RFTN2: variants seen among roughly 807,000 people sequenced by gnomAD.
RFTN2 encodes the protein raftlin-2.
A neutral mutation model predicts 52.7 loss-of-function variants in RFTN2; 34 were observed. The ratio of observed to expected loss-of-function variants is 0.64; its 90% confidence interval spans 0.49 to 0.86. The LOEUF is 0.86. RFTN2 is among the 40% of genes least tolerant of loss of function. The pLI is 0.00. For synonymous variants in RFTN2, 203 were observed against 217.7 expected (o/e 0.93, Z 0.59); for missense variants, 536 against 600.1 (o/e 0.89, Z 1.12).
intron 8 of RFTN2, among the ~76,000 whole-genome samples, chr2:197,589,455 G>A (rs754455668): frequency 6.6e-6 from 1 of 152,070 alleles, no homozygotes; most frequent in Non-Finnish European, 1.5e-5. Context: ...TAATACAGTG[G>A]ATATACCACT....
At chr2:197,610,096 T>C (rs2088031197) in intron 7 of RFTN2, among the ~76,000 whole-genome samples, 2 of 152,196 alleles carry the variant, frequency 1.3e-5, no homozygotes, top group South Asian at 2.1e-4. Context: ...CTTGGCAATG[T>C]GGGCTCTTTT....
chr2:197,625,914 C>G (rs1279397809), intron 5 of RFTN2, among the ~76,000 whole-genome samples: 1 of 151,920 alleles, frequency 6.6e-6, no homozygotes, highest in African/African-American at 2.4e-5. Context: ...GTCTCAGCTT[C>G]CTGAGTAGCT....
chr2:197,602,383 A>T (rs1474320672), intron 7 of RFTN2, among the ~76,000 whole-genome samples: 2 of 152,060 alleles, frequency 1.3e-5, no homozygotes, highest in Non-Finnish European at 2.9e-5. Context: ...TAATTAAATT[A>T]AAAAAATTTT....
At chr2:197,590,968 C>T (rs1317840795) in intron 8 of RFTN2, among the ~76,000 whole-genome samples, 1 of 152,206 alleles carries the variant, frequency 6.6e-6, no homozygotes, top group African/African-American at 2.4e-5. Context: ...CCACTGCTGG[C>T]TGAGGCAGCC....
intron 1 of RFTN2, among the ~76,000 whole-genome samples, chr2:197,648,970 G>T (rs1338853995): frequency 6.6e-6 from 1 of 152,190 alleles, no homozygotes; most frequent in Non-Finnish European, 1.5e-5. Flanking sequence ...TAAGGGAAAG[G>T]AACCTACTGT....
Position 197,571,751 on chromosome 2 carries a change from G to C in RFTN2, c.*257C>G, listed in dbSNP as rs1017170923. ...ATGAGAAGCTGAAATAGATTATTGTGTAATAACCGAATGGAACATCTGTTT... is the reference window on the plus strand; with the variant it reads ...ATGAGAAGCTGAAATAGATTATTGTCTAATAACCGAATGGAACATCTGTTT... On this transcript the variant is annotated 3_prime_UTR_variant, in exon 9 of 9. Coordinates refer to ENST00000295049, the MANE Select transcript of RFTN2 (RefSeq NM_144629.3). The C allele has an allele frequency of 2.0e-6, 1 of 488,684 alleles. No homozygotes were observed. Among genetic ancestry groups the C allele is most frequent in the Non-Finnish European group, 3.7e-6 (1 of 273,274 alleles). The allele number at this position is 488,684 out of a possible 1,614,324, so 30.3% of individuals were successfully genotyped here.
At chr2:197,644,772 A>G (rs2088724770) in intron 2 of RFTN2, among the ~76,000 whole-genome samples, 1 of 152,214 alleles carries the variant, frequency 6.6e-6, no homozygotes, top group Non-Finnish European at 1.5e-5. Context: ...GACATAAGCA[A>G]TCCTACTATG....
chr2:197,582,695 G>A (rs575522227), intron 8 of RFTN2, among the ~76,000 whole-genome samples: 1 of 152,232 alleles, frequency 6.6e-6, no homozygotes, highest in African/African-American at 2.4e-5. Flanking sequence ...GCTGTTATAT[G>A]GGCAGAAAGA....
At chr2:197,599,789 C>T (rs1272334752) in intron 7 of RFTN2, among the ~76,000 whole-genome samples, 1 of 152,168 alleles carries the variant, frequency 6.6e-6, no homozygotes, top group Non-Finnish European at 1.5e-5. Flanking sequence ...AAACCTATCC[C>T]TCCTGTGGTG....
intron 8 of RFTN2, among the ~76,000 whole-genome samples, chr2:197,573,964 G>C (rs1000340092): frequency 1.3e-5 from 2 of 152,248 alleles, no homozygotes; most frequent in East Asian, 3.8e-4. Context: ...CTAGATTTCA[G>C]AGGATGTAAG....
chr2:197,623,627 C>T (rs141049903), intron 5 of RFTN2, among the ~76,000 whole-genome samples: 200 of 152,126 alleles, frequency 1.3e-3, no homozygotes, highest in African/African-American at 4.5e-3. Context: ...CGCAGGCGTG[C>T]ACCACCATGC....
chr2:197,633,596 T>A, intron 4 of RFTN2, 122 bp downstream of exon 4: 1 of 778,984 alleles, frequency 1.3e-6, no homozygotes, highest in Non-Finnish European at 2.0e-6. Context: ...AGGTTTTTAT[T>A]AGTTCATTTA....
intron 8 of RFTN2, 31 bp downstream of exon 8, chr2:197,595,960 A>G (rs774866915): frequency 7.3e-7 from 1 of 1,361,672 alleles, no homozygotes; most frequent in Non-Finnish European, 1.0e-6. Flanking sequence ...TCAATATAAC[A>G]TTCAGTTAAT....
At chr2:197,658,700 C>A (rs183890542) in intron 1 of RFTN2, among the ~76,000 whole-genome samples, 45 of 152,248 alleles carry the variant, frequency 3.0e-4, no homozygotes, top group African/African-American at 1.1e-3. Flanking sequence ...TCTTAGCTCC[C>A]CAACCACCAG....
At position 197,665,589 on chromosome 2, in the gene RFTN2, T is replaced by G. The variant is rs1175063620; in HGVS notation, c.139+9731A>C. Among the ~76,000 whole-genome samples the G allele has an allele frequency of 2.7e-5, 4 of 149,486 alleles. No homozygotes were observed. The East Asian group carries it at 5.9e-4, about 22-fold the overall frequency. On this transcript the variant is annotated intron_variant, in intron 1 of 8. Transcript: ENST00000295049. ...TAGCTGATATAGGTATAGCTATACC[T>G]GTTCACTTCTGGTTTCCATTTACAT...
At chr2:197,615,746 A>G in intron 7 of RFTN2, 130 bp downstream of exon 7, 2 of 600,856 alleles carry the variant, frequency 3.3e-6, no homozygotes, top group Non-Finnish European at 6.0e-6. Flanking sequence ...AAGGTCCATA[A>G]AATCAAATTC....
intron 2 of RFTN2, 108 bp from the exon 3 acceptor site, chr2:197,644,380 T>A (rs1413465990): frequency 1.7e-6 from 1 of 594,284 alleles, no homozygotes; most frequent in East Asian, 3.0e-5. Context: ...AAGGTAATCA[T>A]TTTTTATTAT....
Position 197,572,043 on chromosome 2 carries a change from G to C in RFTN2, c.1471C>G (p.Gln491Glu), listed in dbSNP as rs768150570. The change falls in exon 9 of 9, where the codon CAG (glutamine) becomes GAG (glutamate). Residue 491 changes from glutamine to glutamate, a missense_variant. Coordinates refer to ENST00000295049, the MANE Select transcript of RFTN2 (RefSeq NM_144629.3). Reference protein sequence around the residue: ...LRELDDGQFDQEDGVTQVTCM With the variant: ...LRELDDGQFDEEDGVTQVTCM ...GTGACCTGAGTCACTCCATCTTCCTGATCAAACTGTCCGTCGTCTAATTCC... is the reference window on the plus strand; with the variant it reads ...GTGACCTGAGTCACTCCATCTTCCTCATCAAACTGTCCGTCGTCTAATTCC... 6.2e-7 allele frequency: 1 copy of C among 1,614,186 alleles called. No homozygotes were observed. The highest frequency in any genetic ancestry group is 1.3e-5 in the African/African-American group (1 of 75,040).
In RFTN2 at chr2:197,589,616, T is replaced by C. The variant is rs147504051; in HGVS notation, c.1233+6375A>G. Among the ~76,000 whole-genome samples the C allele has an allele frequency of 9.4e-3, 1,430 of 152,340 alleles. 13 individuals carry two copies. Among genetic ancestry groups the C allele is most frequent in the South Asian group, 0.037 (180 of 4,830 alleles). ...TTTGCACTTCCCTAATGGCTAGTGA[T>C]TTAAGCATCTTTTCATGTATTTACT... On this transcript the variant is annotated intron_variant, in intron 8 of 8. Transcript: ENST00000295049.
Sources: gnomAD v4.1 joint callset for allele counts (sites outside exome capture counted in the v4.1 genomes callset) on GRCh38, gnomAD v4.1.1 for gene constraint, MANE v1.5 for transcripts, NCBI Gene and HGNC (gene_info 2026-07-23, HGNC 2026-07-21) for gene names.